The following FAM53A variants were observed in gnomAD, a reference collection of about 807,000 sequenced individuals.
FAM53A encodes protein FAM53A.
In FAM53A, 28 loss-of-function variants were observed where a neutral mutation model predicts 26.6. The ratio of observed to expected loss-of-function variants is 1.05; its 90% confidence interval spans 0.78 to 1.45. The LOEUF is 1.45. Ranked by LOEUF, FAM53A falls within the 40% of genes most tolerant of loss-of-function variation. The pLI is 0.00. For missense variants in FAM53A, 650 were observed against 575.8 expected (o/e 1.13, Z -1.32); for synonymous variants, 290 against 253.1 (o/e 1.15, Z -1.38).
chr4:1,628,906 C>T (rs1300007511), intron 1 of FAM53A, among the ~76,000 whole-genome samples: 2 of 151,868 alleles, frequency 1.3e-5, no homozygotes, highest in Non-Finnish European at 2.9e-5. Context: ...GTCCCCTACT[C>T]CGTAGCCCAA....
the FAM53A span, among the ~76,000 whole-genome samples, chr4:1,610,453 G>A: frequency 0.033 from 5,062 of 152,290 alleles, 138 homozygotes; most frequent in Admixed American, 0.063. Context: ...TACGTGCCTC[G>A]AAGGTCTGTG....
In FAM53A at chr4:1,654,981, G is replaced by C. The variant is rs1314354096; in HGVS notation, c.879C>G (p.Thr293=). The C allele has an allele frequency of 6.6e-7, 1 of 1,518,212 alleles. No homozygotes were observed. The highest frequency in any genetic ancestry group is 8.8e-7 in the Non-Finnish European group (1 of 1,130,932). 94.0% of individuals were successfully genotyped at this position (1,518,212 alleles called of 1,614,324 possible). A position where few individuals can be genotyped will look rare whatever the true frequency, so the allele number is the denominator to read the frequency against. ...CCTGGAAATAAGAAAGCCTCACCTG[G>C]GTCATTTTCAGGAAGTCCAAGGATG... ...TRPSLDFLKM[T]QTLKNSKSLC... Residue 293 remains threonine, a synonymous_variant, in exon 4 of 5, where the codon ACC becomes ACG. Transcript: ENST00000308132.
At chr4:1,661,153 G>A (rs185318604) in intron 2 of FAM53A, among the ~76,000 whole-genome samples, 6 of 152,054 alleles carry the variant, frequency 3.9e-5, no homozygotes, top group East Asian at 3.9e-4. Flanking sequence ...CCTGGCTGCC[G>A]CGGCCCTCTA....
chr4:1,609,868 T>C, the FAM53A span, among the ~76,000 whole-genome samples: 2 of 151,466 alleles, frequency 1.3e-5, no homozygotes, highest in Non-Finnish European at 2.9e-5. Context: ...GAGGCTAAGG[T>C]GGGAGAATCG....
At chr4:1,644,091 G>A in intron 4 of FAM53A, 2 of 1,452,410 alleles carry the variant, frequency 1.4e-6, no homozygotes, top group Non-Finnish European at 1.8e-6. Flanking sequence ...TGACCTTGCA[G>A]ACTCTGGCTG....
the FAM53A span, among the ~76,000 whole-genome samples, chr4:1,599,554 G>A: frequency 1.3e-5 from 2 of 152,204 alleles, no homozygotes; most frequent in African/African-American, 2.4e-5. The surrounding 1 kb of genome is among the most constrained non-coding windows in gnomAD (Gnocchi z 6.1). Context: ...AGAAAGAATT[G>A]TGCAAATAGC....
chr4:1,640,950 CAGG>C lies in FAM53A; in HGVS notation c.*340_*342del. On this transcript the variant is annotated 3_prime_UTR_variant, in exon 5 of 5. Coordinates refer to ENST00000308132, the MANE Select transcript of FAM53A (RefSeq NM_001174070.3). The stretch of plus-strand genomic sequence containing the variant: ...ACCTAGTCTGTGCCCCAGGGCAGTG[CAGG>C]CGGCAGCCGTGGCCCCGACCAGCTC... 4.8e-6 allele frequency: 2 copies of C among 416,136 alleles called. No homozygotes were observed. The highest frequency in any genetic ancestry group is 8.9e-6 in the Non-Finnish European group (2 of 224,358). 25.8% of individuals were successfully genotyped at this position (416,136 alleles called of 1,614,324 possible).
the FAM53A span, among the ~76,000 whole-genome samples, chr4:1,578,952 C>A: frequency 6.7e-6 from 1 of 149,524 alleles, no homozygotes; most frequent in Non-Finnish European, 1.5e-5. Flanking sequence ...GGGGTCGCCT[C>A]TCGAGGCAGA....
intron 2 of FAM53A, among the ~76,000 whole-genome samples, chr4:1,658,966 T>C (rs572177119): frequency 2.0e-5 from 3 of 152,310 alleles, no homozygotes; most frequent in African/African-American, 7.2e-5. Flanking sequence ...CCTCAGAACC[T>C]CTCAGTTAAC....
rs1364415810 is a variant in FAM53A at position 1,641,502 on chromosome 4, G to A, written c.988C>T (p.Leu330Phe). ...VLSSPCDSRG[L>F]PGITMPGCSQ... Reference sequence around the variant, plus strand: ...CAGCCAGGCATGGTGATGCCAGGGAGGCCCCGGGAGTCACATGGGGAGGAC... The same window carrying A: ...CAGCCAGGCATGGTGATGCCAGGGAAGCCCCGGGAGTCACATGGGGAGGAC... The change falls in exon 5 of 5, where the codon CTC (leucine) becomes TTC (phenylalanine). Residue 330 changes from leucine to phenylalanine, a missense_variant. By Grantham distance (22) the Leu-to-Phe change is conservative (BLOSUM62 0). Transcript: ENST00000308132. 8 of 1,614,214 alleles carry A rather than the reference G, an allele frequency of 5.0e-6. No individual in the cohort carries two copies. The Admixed American group carries it at 1.2e-4, about 24-fold the overall frequency.
At chr4:1,576,427 G>C in the FAM53A span, among the ~76,000 whole-genome samples, 2 of 152,220 alleles carry the variant, frequency 1.3e-5, no homozygotes, top group Non-Finnish European at 2.9e-5. Flanking sequence ...GCTGCCTGCA[G>C]CACAGCGACG....
the FAM53A span, among the ~76,000 whole-genome samples, chr4:1,588,841 T>G: frequency 3.3e-5 from 5 of 152,348 alleles, no homozygotes; most frequent in South Asian, 1.0e-3. Context: ...ACAATGATCT[T>G]GTATCAGTCA....
At chr4:1,597,429 G>A in the FAM53A span, among the ~76,000 whole-genome samples, 9 of 152,168 alleles carry the variant, frequency 5.9e-5, no homozygotes, top group African/African-American at 2.2e-4. Flanking sequence ...GGGGGACCAG[G>A]TTCTTCCTCG....
intron 1 of FAM53A, among the ~76,000 whole-genome samples, chr4:1,676,828 A>G (rs1213988472): frequency 6.6e-6 from 1 of 152,174 alleles, no homozygotes; most frequent in Non-Finnish European, 1.5e-5. Context: ...CATCGCTGAC[A>G]TTATCACGTC....
intron 4 of FAM53A, among the ~76,000 whole-genome samples, chr4:1,647,171 C>T (rs915893130): frequency 2.0e-5 from 3 of 151,726 alleles, no homozygotes; most frequent in African/African-American, 7.3e-5. Context: ...CCCCTCTCTA[C>T]TAAAAATACA....
chr4:1,593,954 A>G, the FAM53A span, among the ~76,000 whole-genome samples: 2 of 152,222 alleles, frequency 1.3e-5, no homozygotes, highest in Non-Finnish European at 2.9e-5. Flanking sequence ...TGTGACACCA[A>G]CAAGCACGAA....
chr4:1,681,150 G>A (rs979076053), intron 1 of FAM53A, among the ~76,000 whole-genome samples: 10 of 152,154 alleles, frequency 6.6e-5, no homozygotes, highest in African/African-American at 2.4e-4. Flanking sequence ...AGGCTGAAGT[G>A]CAACGGCGCG....
the FAM53A span, among the ~76,000 whole-genome samples, chr4:1,612,489 A>G: frequency 6.6e-6 from 1 of 152,178 alleles, no homozygotes; most frequent in African/African-American, 2.4e-5. Context: ...GCGCGCACAC[A>G]CACACATGCT....
chr4:1,591,539 C>T, the FAM53A span, among the ~76,000 whole-genome samples: 1 of 152,222 alleles, frequency 6.6e-6, no homozygotes, highest in African/African-American at 2.4e-5. Flanking sequence ...TTGTTTCCCA[C>T]AGCAACTGCA....
Sources: gnomAD v4.1 joint callset for allele counts (sites outside exome capture counted in the v4.1 genomes callset) on GRCh38, gnomAD v4.1.1 for gene constraint, Gnocchi (gnomAD v3.1) non-coding constraint, MANE v1.5 for transcripts, NCBI Gene and HGNC (gene_info 2026-07-23, HGNC 2026-07-21) for gene names.